KIF5A: variants seen among roughly 807,000 people sequenced by gnomAD.
KIF5A encodes kinesin family member 5A, also known as kinesin heavy chain isoform 5A.
KIF5A carries 35 observed loss-of-function variants against 141.3 expected under a neutral mutation model. The observed-to-expected ratio is 0.25, with a 90% CI of 0.19 to 0.33. KIF5A has a LOEUF of 0.33. Among genes scored for constraint, KIF5A ranks in the 10% least tolerant of loss-of-function variants. The pLI is 1.00. For missense variants in KIF5A, 861 were observed against 1,314.3 expected (o/e 0.66, Z 5.33); for synonymous variants, 448 against 500.2 (o/e 0.90, Z 1.39).
chr12:57,581,970 G>T lies in KIF5A; in HGVS notation c.2992+18G>T, dbSNP rs745773241. 4.4e-5 allele frequency: 71 copies of T among 1,607,008 alleles called. No individual in the cohort carries two copies. Among genetic ancestry groups the T allele is most frequent in the Admixed American group, 1.0e-4 (6 of 59,986 alleles). On this transcript the variant is annotated intron_variant, in intron 26 of 28. Coordinates refer to ENST00000455537, the MANE Select transcript of KIF5A (RefSeq NM_004984.4). Reference sequence around the variant, plus strand: ...GGACAATGGTGAGTGAAAAAGATGGGTAATCCCACCTTTGGGGTCCTCAGG... The same window carrying T: ...GGACAATGGTGAGTGAAAAAGATGGTTAATCCCACCTTTGGGGTCCTCAGG...
intron 22 of KIF5A, 66 bp from the exon 23 acceptor site, chr12:57,578,169 CTTG>C: frequency 7.6e-6 from 12 of 1,573,578 alleles, no homozygotes; most frequent in Non-Finnish European, 1.0e-5. Context: ...ATGGGGCTGG[CTTG>C]GCCTGGTCTT....
At chr12:57,583,815 G>A (rs1261978915) in intron 28 of KIF5A, among the ~76,000 whole-genome samples, 2 of 152,104 alleles carry the variant, frequency 1.3e-5, no homozygotes, top group African/African-American at 4.8e-5. Flanking sequence ...CTGTCCCCAG[G>A]TGCTCTCCTC....
At chr12:57,560,145 G>T (rs946934534) in intron 1 of KIF5A, among the ~76,000 whole-genome samples, 4 of 152,186 alleles carry the variant, frequency 2.6e-5, no homozygotes, top group African/African-American at 9.7e-5. Context: ...GCCTGCCTTG[G>T]CCTCCCAAAG....
rs187993214 is a variant in KIF5A at position 57,573,956 on chromosome 12, G to A, written c.1717-1128G>A. Among the ~76,000 whole-genome samples, 546 of 151,622 alleles carry A rather than the reference G, an allele frequency of 3.6e-3. 4 individuals are homozygous for A. The highest frequency in any genetic ancestry group is 0.011 in the African/African-American group (466 of 41,336). ...AAATTAGCCAGGCATGGTGGCGGGC[G>A]CCTGTAGTCCCAGCTACTCAGGAGG... On this transcript the variant is annotated intron_variant, in intron 15 of 28. Transcript: ENST00000455537.
In KIF5A at chr12:57,569,237, G is replaced by T. The variant is rs181688415; in HGVS notation, c.820-19G>T. ...TTTTATTTGTTTATTTCTGATTCCTGGTCTCCTTCCTCCCCCAGAAAAGCT... is the reference window on the plus strand; with the variant it reads ...TTTTATTTGTTTATTTCTGATTCCTTGTCTCCTTCCTCCCCCAGAAAAGCT... On this transcript the variant is annotated intron_variant, in intron 9 of 28. Transcript: ENST00000455537. The T allele has an allele frequency of 0.011, 17,987 of 1,613,140 alleles. 133 individuals carry two copies. Among genetic ancestry groups the T allele is most frequent in the Non-Finnish European group, 0.013 (15,809 of 1,179,510 alleles).
intron 15 of KIF5A, among the ~76,000 whole-genome samples, chr12:57,573,952 G>A (rs1201511468): frequency 2.7e-5 from 4 of 150,828 alleles, no homozygotes; most frequent in Non-Finnish European, 5.9e-5. Context: ...GCATGGTGGC[G>A]GGCGCCTGTA....
intron 1 of KIF5A, among the ~76,000 whole-genome samples, chr12:57,554,537 T>C (rs998983929): frequency 2.0e-4 from 30 of 152,230 alleles, no homozygotes; most frequent in African/African-American, 7.0e-4. Flanking sequence ...CTCCCTTCCT[T>C]GTCAATATCT....
rs985803964 is a variant in KIF5A, at chr12:57,572,459, C to T, written c.1570-121C>T. 2.2e-6 allele frequency: 3 copies of T among 1,387,686 alleles called. No homozygotes were observed. The highest frequency in any genetic ancestry group is 2.0e-6 in the Non-Finnish European group (2 of 996,964). 86.0% of individuals were successfully genotyped at this position (1,387,686 alleles called of 1,614,324 possible). A position where few individuals can be genotyped will look rare whatever the true frequency, so the allele number is the denominator to read the frequency against. On this transcript the variant is annotated intron_variant, in intron 14 of 28. Coordinates refer to ENST00000455537, the MANE Select transcript of KIF5A (RefSeq NM_004984.4). The surrounding 1 kb of genome is among the most constrained non-coding windows in gnomAD (Gnocchi z 4.2). Reference sequence around the variant, plus strand: ...TCCCTCTGTCTTTCAGACTCTTCTGCAGGGCCTGTGTTCTCTTCATAGCAG... The same window carrying T: ...TCCCTCTGTCTTTCAGACTCTTCTGTAGGGCCTGTGTTCTCTTCATAGCAG...
Position 57,564,924 on chromosome 12 carries a change from A to G in KIF5A, c.452A>G (p.Lys151Arg). 1 of 1,614,202 alleles carries G rather than the reference A, an allele frequency of 6.2e-7. No homozygotes were observed. The highest frequency in any genetic ancestry group is 8.5e-7 in the Non-Finnish European group (1 of 1,180,028). The change falls in exon 6 of 29, where the codon AAG becomes AGG. Residue 151 changes from lysine to arginine, a missense_variant. Around this residue, in one of 5 missense-constraint regions of KIF5A, gnomAD observed 146 missense variants for 353.4 expected, o/e 0.41. Coordinates refer to ENST00000455537, the MANE Select transcript of KIF5A (RefSeq NM_004984.4). ...CTGCATTCTTTTGATTCAGTGACCAAGACAAATCTGTCCGTGCACGAGGAC... is the reference window on the plus strand; with the variant it reads ...CTGCATTCTTTTGATTCAGTGACCAGGACAAATCTGTCCGTGCACGAGGAC... Reference protein sequence around the residue: ...DKIRDLLDVTKTNLSVHEDKN... With the variant: ...DKIRDLLDVTRTNLSVHEDKN...
chr12:57,581,861 T>G lies in KIF5A; in HGVS notation c.2910-9T>G, dbSNP rs1882613339. 6.2e-7 allele frequency: 1 copy of G among 1,613,408 alleles called. No individual in the cohort carries two copies. Among genetic ancestry groups the G allele is most frequent in the Non-Finnish European group, 8.5e-7 (1 of 1,179,766 alleles). On this transcript the variant is annotated splice_polypyrimidine_tract_variant and intron_variant, in intron 25 of 28. Coordinates refer to ENST00000455537, the MANE Select transcript of KIF5A (RefSeq NM_004984.4). ...GTCAGAGGCTGCCTCTTTCCTCTGC[T>G]CCATCCAGCTTTGCAAACTCCTGTA...
At chr12:57,560,419 T>G (rs1271680508) in intron 1 of KIF5A, among the ~76,000 whole-genome samples, 2 of 152,192 alleles carry the variant, frequency 1.3e-5, no homozygotes, top group African/African-American at 4.8e-5. Flanking sequence ...ATGTAAAATT[T>G]AAGGCTTTTG....
intron 8 of KIF5A, among the ~76,000 whole-genome samples, 162 bp downstream of exon 8, chr12:57,567,780 C>A (rs2140161776): frequency 6.6e-6 from 1 of 151,734 alleles, no homozygotes; most frequent in Admixed American, 6.6e-5. Flanking sequence ...CCTGCCTAAA[C>A]CTTCCAAGTA....
chr12:57,568,822 C>T, intron 8 of KIF5A, 141 bp from the exon 9 acceptor site: 1 of 694,960 alleles, frequency 1.4e-6, no homozygotes, highest in South Asian at 1.5e-5. Context: ...GGGCCTTCCC[C>T]AATCCCAGCC....
Position 57,550,368 on chromosome 12 carries a change from A to T in KIF5A, c.97A>T (p.Ile33Phe), listed in dbSNP as rs540463538. ...TCTGCGGGGAGACAAGTTCATCCCC[A>T]TTTTCCAAGGGGACGACAGCGTCGT... ...EILRGDKFIP[I>F]FQGDDSVVIG... The change falls in exon 1 of 29, where the codon ATT (isoleucine) becomes TTT (phenylalanine). Residue 33 changes from isoleucine (I) to phenylalanine (F), a missense_variant. Ile to Phe is a conservative substitution (Grantham distance 21). Around this residue, in one of 5 missense-constraint regions of KIF5A, gnomAD observed 59 missense variants for 81.1 expected, o/e 0.73. Transcript: ENST00000455537. The surrounding 1 kb of genome is among the most constrained non-coding windows in gnomAD (Gnocchi z 4.6). The T allele has an allele frequency of 6.2e-7, 1 of 1,614,054 alleles. No homozygotes were observed. Among genetic ancestry groups the T allele is most frequent in the Admixed American group, 1.7e-5 (1 of 60,028 alleles).
At chr12:57,575,959 A>T (rs1882410849) in intron 17 of KIF5A, 128 bp from the exon 18 acceptor site, 2 of 976,412 alleles carry the variant, frequency 2.0e-6, no homozygotes. Context: ...ATCAAATTGG[A>T]CAGTCCTAAC....
chr12:57,581,892 A>G lies in KIF5A; in HGVS notation c.2932A>G (p.Ser978Gly). 1.2e-6 allele frequency: 2 copies of G among 1,614,132 alleles called. No individual in the cohort carries two copies. The highest frequency in any genetic ancestry group is 4.5e-5 in the East Asian group (2 of 44,874). Residue 978 changes from serine (S) to glycine (G), a missense_variant, in exon 26 of 29, where the codon AGT (serine) becomes GGT (glycine). Ser to Gly is a moderately conservative substitution (Grantham distance 56). Transcript: ENST00000455537. ...CAGCTTTGCAAACTCCTGTACCAGC[A>G]GTGGAGCCACATCTTCTGGCGGCCC... is the stretch of plus-strand genomic sequence containing the variant. ...DMYFANSCTS[S>G]GATSSGGPLA...
At chr12:57,562,241 G>A (rs934374812) in intron 1 of KIF5A, among the ~76,000 whole-genome samples, 3 of 152,144 alleles carry the variant, frequency 2.0e-5, no homozygotes, top group African/African-American at 4.8e-5. Context: ...TTGAGACGAA[G>A]TCTTGCTCTT....
At chr12:57,553,834 C>T (rs963612249) in intron 1 of KIF5A, among the ~76,000 whole-genome samples, 1 of 152,074 alleles carries the variant, frequency 6.6e-6, no homozygotes, top group African/African-American at 2.4e-5. Flanking sequence ...AAGAGAGGCC[C>T]TTCAGAGAAG....
At chr12:57,567,431 C>G (rs1436032824) in intron 7 of KIF5A, 63 bp from the exon 8 acceptor site, 16 of 1,602,892 alleles carry the variant, frequency 1.0e-5, no homozygotes, top group Middle Eastern at 4.1e-4. Flanking sequence ...CAGTGGAAGC[C>G]GGGGGCTGAG....
Sources: gnomAD v4.1 joint callset for allele counts (sites outside exome capture counted in the v4.1 genomes callset) on GRCh38, gnomAD v4.1.1 for gene constraint, gnomAD v4.1.1 regional missense constraint, Gnocchi (gnomAD v3.1) non-coding constraint, MANE v1.5 for transcripts, NCBI Gene and HGNC (gene_info 2026-07-23, HGNC 2026-07-21) for gene names.